The following PTPRG variants were observed in gnomAD, a reference collection of about 807,000 sequenced individuals.
The protein encoded by PTPRG is receptor-type tyrosine-protein phosphatase gamma.
PTPRG carries 102 observed loss-of-function variants against 165.3 expected under a neutral mutation model. The observed-to-expected ratio is 0.62, with a 90% CI of 0.53 to 0.73. The LOEUF is 0.73. Ranked by LOEUF, PTPRG falls within the 30% of genes least tolerant of loss-of-function variation. PTPRG has a pLI of 0.00. For synonymous variants in PTPRG, 675 were observed against 669.5 expected (o/e 1.01, Z -0.13); for missense variants, 1,866 against 1,861.4 (o/e 1.00, Z -0.05).
intron 28 of PTPRG, among the ~76,000 whole-genome samples, chr3:62,289,239 C>T (rs1042236976): frequency 2.6e-5 from 4 of 152,210 alleles, no homozygotes; most frequent in Non-Finnish European, 5.9e-5. Flanking sequence ...CATAGGGTTA[C>T]TGTGAGGACT....
At chr3:62,109,899 C>T (rs1218584460) in intron 5 of PTPRG, among the ~76,000 whole-genome samples, 1 of 152,108 alleles carries the variant, frequency 6.6e-6, no homozygotes, top group Non-Finnish European at 1.5e-5. Context: ...GTTTCTTCAT[C>T]ACCTAGTGGG....
chr3:62,040,025 A>G (rs1700074454), intron 4 of PTPRG, among the ~76,000 whole-genome samples: 4 of 152,250 alleles, frequency 2.6e-5, no homozygotes, highest in Admixed American at 1.3e-4. Flanking sequence ...TATTTTTTAT[A>G]GGTAGTTACT....
At chr3:62,208,469 A>T (rs1002979488) in intron 12 of PTPRG, among the ~76,000 whole-genome samples, 1 of 152,026 alleles carries the variant, frequency 6.6e-6, no homozygotes, top group African/African-American at 2.4e-5. Flanking sequence ...TTGCTCAGAA[A>T]CTCAGTATGT....
Position 62,245,638 on chromosome 3 carries a change from G to A in PTPRG, c.2467+1740G>A, listed in dbSNP as rs77758433. ...TTTCCAGAATCTGTAAATTAATTAG[G>A]ATGCCTATTCTCCTTGCCTTTTGAG... On this transcript the variant is annotated intron_variant, in intron 15 of 29. Transcript: ENST00000474889. This position sits in a 1 kb window ranked among gnomAD's most constrained non-coding sequence, Gnocchi z 4.2. Among the ~76,000 whole-genome samples, 16 of 152,098 alleles carry A rather than the reference G, an allele frequency of 1.1e-4. No homozygotes were observed. The highest frequency in any genetic ancestry group is 3.4e-4 in the African/African-American group (14 of 41,496).
intron 2 of PTPRG, among the ~76,000 whole-genome samples, chr3:61,906,123 T>C (rs1327209685): frequency 1.3e-5 from 2 of 151,950 alleles, no homozygotes; most frequent in African/African-American, 4.8e-5. Flanking sequence ...TGAAGTCATA[T>C]TTGAAGAAAA....
At chr3:61,623,397 C>A (rs1402448029) in intron 1 of PTPRG, among the ~76,000 whole-genome samples, 1 of 152,076 alleles carries the variant, frequency 6.6e-6, no homozygotes, top group Admixed American at 6.6e-5. Flanking sequence ...ACAGAGAAAT[C>A]GGGGGGAAGG....
intron 4 of PTPRG, among the ~76,000 whole-genome samples, chr3:62,008,416 A>G (rs189964680): frequency 1.3e-5 from 2 of 152,342 alleles, no homozygotes; most frequent in East Asian, 3.9e-4. Flanking sequence ...AATTGATTGT[A>G]TGTGCCCCTT....
chr3:61,782,940 C>T (rs1214923659), intron 2 of PTPRG, among the ~76,000 whole-genome samples: 2 of 151,938 alleles, frequency 1.3e-5, no homozygotes, highest in Non-Finnish European at 2.9e-5. Context: ...GTAATTGGGA[C>T]TACAGGTGTG....
At chr3:61,882,568 T>C (rs12637323) in intron 2 of PTPRG, among the ~76,000 whole-genome samples, 19,365 of 152,146 alleles carry the variant, frequency 0.13, 1,749 homozygotes, top group East Asian at 0.5. Context: ...CTTATTTGTG[T>C]TTTTCTACAA....
rs139589491 is a variant in PTPRG, at chr3:61,914,460, T to G, written c.191-75165T>G. ...GCTCCTTGCCATCTGGTAGTCATCA[T>G]TGACTGCGTCTCTTTCCTGCTATGA... On this transcript the variant is annotated intron_variant, in intron 2 of 29. Transcript: ENST00000474889. Among the ~76,000 whole-genome samples the G allele has an allele frequency of 3.8e-3, 582 of 152,364 alleles. 3 individuals are homozygous for G. Among genetic ancestry groups the G allele is most frequent in the African/African-American group, 0.013 (549 of 41,592 alleles).
chr3:62,146,653 G>A (rs184678309), intron 6 of PTPRG, among the ~76,000 whole-genome samples: 28 of 149,888 alleles, frequency 1.9e-4, no homozygotes, highest in African/African-American at 5.7e-4. Flanking sequence ...AAAATACGCC[G>A]CCCTCATATA....
intron 6 of PTPRG, among the ~76,000 whole-genome samples, chr3:62,156,418 G>A (rs751879851): frequency 3.3e-5 from 5 of 152,152 alleles, no homozygotes; most frequent in Non-Finnish European, 7.4e-5. Flanking sequence ...CATTTCTTCT[G>A]TTTAAGGGAA....
chr3:61,887,166 A>ATTT (rs1559670266), intron 2 of PTPRG, among the ~76,000 whole-genome samples: 1 of 99,276 alleles, frequency 1.0e-5, no homozygotes, highest in Non-Finnish European at 2.2e-5. Flanking sequence ...ATATATATAT[A>ATTT]TATATTTTTA....
intron 1 of PTPRG, among the ~76,000 whole-genome samples, chr3:61,640,564 C>G (rs902290247): frequency 6.6e-6 from 1 of 152,154 alleles, no homozygotes; most frequent in African/African-American, 2.4e-5. Context: ...ACAGATGAAG[C>G]AAATGTCTTA....
intron 2 of PTPRG, among the ~76,000 whole-genome samples, chr3:61,933,185 G>C (rs1231681217): frequency 1.3e-5 from 2 of 152,114 alleles, no homozygotes; most frequent in Non-Finnish European, 2.9e-5. Context: ...TATGTGGAAA[G>C]GTACATTTCT....
At chr3:61,633,560 G>A (rs544642205) in intron 1 of PTPRG, among the ~76,000 whole-genome samples, 9 of 152,252 alleles carry the variant, frequency 5.9e-5, no homozygotes, top group East Asian at 5.8e-4. Flanking sequence ...TGATGAACTC[G>A]TTTATGATCT....
chr3:62,216,668 T>C (rs1700518255), intron 12 of PTPRG, among the ~76,000 whole-genome samples: 1 of 152,110 alleles, frequency 6.6e-6, no homozygotes, highest in African/African-American at 2.4e-5. Flanking sequence ...AAAAGCATTA[T>C]GTTGATGGAG....
intron 16 of PTPRG, among the ~76,000 whole-genome samples, chr3:62,259,157 C>G (rs1701620793): frequency 6.6e-6 from 1 of 152,200 alleles, no homozygotes; most frequent in South Asian, 2.1e-4. Flanking sequence ...TGAGCCCATG[C>G]TCTGAGGGAC....
chr3:61,819,586 G>A (rs1273452973), intron 2 of PTPRG, among the ~76,000 whole-genome samples: 1 of 152,078 alleles, frequency 6.6e-6, no homozygotes, highest in African/African-American at 2.4e-5. Flanking sequence ...GGAGAATGCA[G>A]TACTACCTAT....
Sources: gnomAD v4.1 joint callset for allele counts (sites outside exome capture counted in the v4.1 genomes callset) on GRCh38, gnomAD v4.1.1 for gene constraint, Gnocchi (gnomAD v3.1) non-coding constraint, MANE v1.5 for transcripts, NCBI Gene and HGNC (gene_info 2026-07-23, HGNC 2026-07-21) for gene names.